TLN2: variants seen among roughly 807,000 people sequenced by gnomAD.
TLN2 encodes talin 2, also known as talin-2.
TLN2 carries 118 observed loss-of-function variants against 294.7 expected under a neutral mutation model. The observed-to-expected ratio is 0.40, with a 90% confidence interval of 0.34 to 0.47. The LOEUF is 0.47. TLN2 is among the 20% of genes least tolerant of loss of function. The pLI is 0.84. For synonymous variants in TLN2, 1,431 were observed against 1,304.5 expected (o/e 1.10, Z -2.09); for missense variants, 3,083 against 3,282.2 (o/e 0.94, Z 1.48).
chr15:62,719,440 A>G (rs1212840356), intron 24 of TLN2, among the ~76,000 whole-genome samples: 1 of 130,118 alleles, frequency 7.7e-6, no homozygotes, highest in Admixed American at 7.6e-5. Context: ...CTTTGATTCT[A>G]GGTTTGCAGT....
At chr15:62,459,816 G>GTT (rs1235082221) in intron 1 of TLN2, among the ~76,000 whole-genome samples, 104 of 152,284 alleles carry the variant, frequency 6.8e-4, no homozygotes, top group African/African-American at 2.2e-3. Context: ...TAGTGTCTGA[G>GTT]GTCCTAAGCT....
chr15:62,821,746 C>G (rs897812834), intron 54 of TLN2, among the ~76,000 whole-genome samples: 1 of 152,212 alleles, frequency 6.6e-6, no homozygotes, highest in African/African-American at 2.4e-5. Context: ...CTGCTGGACT[C>G]TACCTGGGAG....
intron 9 of TLN2, among the ~76,000 whole-genome samples, chr15:62,660,840 TG>T (rs1385767226): frequency 6.6e-6 from 1 of 152,230 alleles, no homozygotes; most frequent in Non-Finnish European, 1.5e-5. Flanking sequence ...ACAGTCTATG[TG>T]GCAGATAAGT....
At chr15:62,564,114 TAATATAGTC>T (rs2043193526) in intron 1 of TLN2, among the ~76,000 whole-genome samples, 1 of 152,220 alleles carries the variant, frequency 6.6e-6, no homozygotes, top group Non-Finnish European at 1.5e-5. Context: ...GCACATGTCC[TAATATAGTC>T]AAAGTTTGGG....
intron 3 of TLN2, among the ~76,000 whole-genome samples, chr15:62,628,164 T>A (rs774444942): frequency 3.9e-4 from 60 of 152,260 alleles, no homozygotes; most frequent in Non-Finnish European, 8.1e-4. Flanking sequence ...TTAAATCTCA[T>A]ATTGCAGTTA....
At chr15:62,480,137 G>T (rs2037998028) in intron 1 of TLN2, among the ~76,000 whole-genome samples, 1 of 152,168 alleles carries the variant, frequency 6.6e-6, no homozygotes, top group African/African-American at 2.4e-5. Context: ...GAGAGCAGGT[G>T]GGTGGAAGGT....
chr15:62,581,772 G>T (rs185653727), intron 1 of TLN2, among the ~76,000 whole-genome samples: 1 of 152,042 alleles, frequency 6.6e-6, no homozygotes, highest in African/African-American at 2.4e-5. Context: ...GGCCGGGTGC[G>T]GTGGCTCACA....
Position 62,528,670 on chromosome 15 carries a change from C to CTTTTT in TLN2, c.-237-61001_-237-60997dup, listed in dbSNP as rs3055755. On this transcript the variant is annotated intron_variant, in intron 1 of 58. Transcript: ENST00000636159. ...CCTTCTTGAGTGTATCCAGAGCTTG[C>CTTTTT]TTTTTTTTTTTTTTTTTTTTGGCAT... Among the ~76,000 whole-genome samples, 248 of 96,762 alleles carry CTTTTT rather than the reference C, an allele frequency of 2.6e-3. 11 individuals are homozygous for CTTTTT. The highest frequency in any genetic ancestry group is 3.2e-3 in the African/African-American group (75 of 23,526). 63.5% of individuals were successfully genotyped at this position (96,762 alleles called of 152,430 possible).
intron 1 of TLN2, among the ~76,000 whole-genome samples, chr15:62,577,375 C>T (rs964717631): frequency 6.6e-6 from 1 of 151,998 alleles, no homozygotes; most frequent in Non-Finnish European, 1.5e-5. Context: ...ACCTGGGAGG[C>T]GGAGGTTGTG....
intron 20 of TLN2, 100 bp downstream of exon 20, chr15:62,707,353 G>A: frequency 7.3e-7 from 1 of 1,369,192 alleles, no homozygotes; most frequent in East Asian, 2.5e-5. Context: ...TGTTTAAATA[G>A]TCCGAGATTT....
chr15:62,790,903 G>A (rs1034027812), intron 45 of TLN2, among the ~76,000 whole-genome samples: 7 of 152,230 alleles, frequency 4.6e-5, no homozygotes, highest in Non-Finnish European at 7.3e-5. Flanking sequence ...CTGCCGTGTT[G>A]TGCAGTCCAG....
At chr15:62,636,228 G>C (rs1035095995) in intron 3 of TLN2, among the ~76,000 whole-genome samples, 1 of 148,568 alleles carries the variant, frequency 6.7e-6, no homozygotes, top group African/African-American at 2.5e-5. Context: ...TGACTTCTAA[G>C]TCTAAGATCA....
At chr15:62,411,770 G>C (rs2033794445) in intron 1 of TLN2, among the ~76,000 whole-genome samples, 1 of 152,138 alleles carries the variant, frequency 6.6e-6, no homozygotes, top group Non-Finnish European at 1.5e-5. Flanking sequence ...ACTTGGAAAA[G>C]TTTGGGAGAT....
At chr15:62,661,088 C>T (rs1015893797) in intron 9 of TLN2, among the ~76,000 whole-genome samples, 5 of 152,092 alleles carry the variant, frequency 3.3e-5, no homozygotes, top group Non-Finnish European at 7.4e-5. Flanking sequence ...ACAGCCACAA[C>T]AAAACATAAT....
chr15:62,440,745 C>T (rs1189972931), intron 1 of TLN2, among the ~76,000 whole-genome samples: 1 of 152,174 alleles, frequency 6.6e-6, no homozygotes, highest in African/African-American at 2.4e-5. Flanking sequence ...GTAGAGCTGT[C>T]ATGGAAAGCA....
chr15:62,568,336 T>G (rs1189169012), intron 1 of TLN2, among the ~76,000 whole-genome samples: 3 of 152,228 alleles, frequency 2.0e-5, no homozygotes, highest in Non-Finnish European at 2.9e-5. Flanking sequence ...CTGAGTGATC[T>G]GGGGCAAACC....
intron 2 of TLN2, among the ~76,000 whole-genome samples, chr15:62,596,338 C>T (rs534409581): frequency 4.0e-5 from 6 of 149,506 alleles, no homozygotes; most frequent in Middle Eastern, 3.3e-3. Flanking sequence ...AAAAAAAATA[C>T]GTTAACATAT....
At chr15:62,620,837 C>CTTTTT (rs71129016) in intron 3 of TLN2, among the ~76,000 whole-genome samples, 22 of 66,348 alleles carry the variant, frequency 3.3e-4, no homozygotes, top group South Asian at 5.8e-4. Context: ...CTTTCTTTTT[C>CTTTTT]TTTTTTTTTT....
At chr15:62,485,422 G>A (rs1595910482) in intron 1 of TLN2, among the ~76,000 whole-genome samples, 2 of 152,186 alleles carry the variant, frequency 1.3e-5, no homozygotes, top group African/African-American at 4.8e-5. Context: ...ATGCCTGGCG[G>A]TGTGGTCTCC....
Sources: gnomAD v4.1 joint callset for allele counts (sites outside exome capture counted in the v4.1 genomes callset) on GRCh38, gnomAD v4.1.1 for gene constraint, MANE v1.5 for transcripts, NCBI Gene and HGNC (gene_info 2026-07-23, HGNC 2026-07-21) for gene names.